The following NAALADL2 variants were observed in gnomAD, a reference collection of about 807,000 sequenced individuals.
NAALADL2 encodes inactive N-acetylated-alpha-linked acidic dipeptidase-like protein 2.
NAALADL2 carries 76 observed loss-of-function variants against 87.2 expected under a neutral mutation model. The observed-to-expected ratio is 0.87, with a 90% CI of 0.72 to 1.05. The LOEUF is 1.05. NAALADL2 is among the 50% of genes least tolerant of loss of function. The probability of loss-of-function intolerance (pLI) is 0.00; values close to 1 mark genes in which losing one functional copy is unlikely to be tolerated. For synonymous variants in NAALADL2, 354 were observed against 331.0 expected, an observed-to-expected ratio of 1.07 and a Z score of -0.75; for missense variants, 1,089 against 945.8, an observed-to-expected ratio of 1.15 and a Z score of -1.99.
intron 9 of NAALADL2, among the ~76,000 whole-genome samples, chr3:175,535,015 T>C (rs1450151406): frequency 6.6e-6 from 1 of 152,172 alleles, no homozygotes; most frequent in African/African-American, 2.4e-5. Context: ...TTTTGTACTA[T>C]TTGGCTTCAA....
chr3:175,327,248 C>T (rs910907042), intron 5 of NAALADL2, among the ~76,000 whole-genome samples: 18 of 150,942 alleles, frequency 1.2e-4, no homozygotes, highest in Middle Eastern at 3.4e-3. Context: ...CTCCGCCTCC[C>T]GGGTTCATGC....
chr3:174,590,135 G>A (rs1454468102), intron 2 of NAALADL2, among the ~76,000 whole-genome samples: 1 of 151,576 alleles, frequency 6.6e-6, no homozygotes, highest in Admixed American at 6.6e-5. Context: ...CTTTTTCGTG[G>A]TCCTTCTCAA....
intron 10 of NAALADL2, among the ~76,000 whole-genome samples, chr3:175,621,463 G>T (rs1049985738): frequency 6.6e-6 from 1 of 152,012 alleles, no homozygotes; most frequent in African/African-American, 2.4e-5. Context: ...AATTCTCTGG[G>T]TTTCTCCATC....
At chr3:175,534,408 C>T (rs1302373483) in intron 9 of NAALADL2, among the ~76,000 whole-genome samples, 1 of 152,178 alleles carries the variant, frequency 6.6e-6, no homozygotes, top group Admixed American at 6.5e-5. Flanking sequence ...TGTTCAAAGG[C>T]AGGAAGCATC....
At chr3:174,898,341 G>A (rs1731870435) in intron 1 of NAALADL2, among the ~76,000 whole-genome samples, 1 of 151,102 alleles carries the variant, frequency 6.6e-6, no homozygotes, top group Non-Finnish European at 1.5e-5. Flanking sequence ...GGGTAGAGGG[G>A]GGTTAGGAGG....
intron 2 of NAALADL2, among the ~76,000 whole-genome samples, chr3:175,102,113 C>T (rs1722316202): frequency 6.6e-6 from 1 of 152,168 alleles, no homozygotes; most frequent in East Asian, 1.9e-4. Context: ...TAAATCACTA[C>T]ATAAAATACT....
intron 5 of NAALADL2, among the ~76,000 whole-genome samples, chr3:175,344,789 T>C (rs1187564250): frequency 2.0e-5 from 3 of 152,160 alleles, no homozygotes; most frequent in Admixed American, 6.6e-5. Flanking sequence ...TATCATTTGA[T>C]GTCAATTCTG....
chr3:175,035,752 G>A (rs955969484), intron 1 of NAALADL2, among the ~76,000 whole-genome samples: 2 of 152,106 alleles, frequency 1.3e-5, no homozygotes, highest in Non-Finnish European at 2.9e-5. Flanking sequence ...TTAGGGCTTT[G>A]CTGTTAATTC....
chr3:174,961,041 A>T (rs1050971239), intron 1 of NAALADL2, among the ~76,000 whole-genome samples: 4 of 146,620 alleles, frequency 2.7e-5, no homozygotes, highest in East Asian at 3.9e-4. Context: ...TGTTTCTAAA[A>T]ATATATATAT....
At chr3:174,867,814 G>T (rs946603804) in intron 1 of NAALADL2, among the ~76,000 whole-genome samples, 9 of 152,006 alleles carry the variant, frequency 5.9e-5, no homozygotes, top group South Asian at 2.1e-4. Context: ...AATAATAGTT[G>T]GCATAGAGTC....
intron 13 of NAALADL2, among the ~76,000 whole-genome samples, chr3:175,782,896 A>C (rs1417463603): frequency 2.0e-5 from 3 of 147,354 alleles, no homozygotes; most frequent in Non-Finnish European, 4.4e-5. Context: ...GGTGTAAGGA[A>C]GGGATCCAGT....
intron 5 of NAALADL2, among the ~76,000 whole-genome samples, chr3:175,398,348 T>TG (rs1553883992): frequency 0.029 from 2,404 of 81,746 alleles, 60 homozygotes; most frequent in African/African-American, 0.066. Context: ...CTGCTACTTT[T>TG]TTTTTTTTTT....
At chr3:174,485,033 C>T (rs1717766199) in intron 1 of NAALADL2, among the ~76,000 whole-genome samples, 1 of 151,992 alleles carries the variant, frequency 6.6e-6, no homozygotes, top group Admixed American at 6.6e-5. Flanking sequence ...CACAGTTCTC[C>T]ATTATAATAT....
At chr3:175,395,256 GA>G (rs1769624952) in intron 5 of NAALADL2, among the ~76,000 whole-genome samples, 1 of 152,100 alleles carries the variant, frequency 6.6e-6, no homozygotes, top group Non-Finnish European at 1.5e-5. Context: ...ACACCACTCA[GA>G]AGAGTGTACA....
intron 2 of NAALADL2, among the ~76,000 whole-genome samples, chr3:174,567,607 G>A (rs953451773): frequency 1.3e-5 from 2 of 151,442 alleles, no homozygotes; most frequent in Admixed American, 1.3e-4. Context: ...GTATCAGAAG[G>A]CAATCTGTTA....
chr3:175,551,087 C>CATGTGT (rs141179906), intron 9 of NAALADL2, among the ~76,000 whole-genome samples: 12 of 149,412 alleles, frequency 8.0e-5, no homozygotes, highest in African/African-American at 2.9e-4. Context: ...TGTGTCTCTG[C>CATGTGT]GTGTGTGTGT....
intron 10 of NAALADL2, among the ~76,000 whole-genome samples, chr3:175,624,465 A>G (rs934813334): frequency 1.3e-5 from 2 of 152,084 alleles, no homozygotes; most frequent in African/African-American, 4.8e-5. Context: ...TCAATTATTT[A>G]CCTTCAAAAT....
At chr3:175,537,510 CA>C (rs1711510174) in intron 9 of NAALADL2, among the ~76,000 whole-genome samples, 1 of 152,158 alleles carries the variant, frequency 6.6e-6, no homozygotes, top group African/African-American at 2.4e-5. Context: ...TTCTCTTATA[CA>C]AATAGCAACA....
intron 2 of NAALADL2, among the ~76,000 whole-genome samples, chr3:175,123,877 T>C (rs1726518520): frequency 6.6e-6 from 1 of 152,068 alleles, no homozygotes; most frequent in Non-Finnish European, 1.5e-5. Flanking sequence ...ATATCATGTT[T>C]CTTAAGAACA....
Sources: allele counts gnomAD v4.1 joint callset (sites outside exome capture counted in the v4.1 genomes callset), GRCh38; gene constraint gnomAD v4.1.1; transcripts MANE v1.5; gene names NCBI Gene and HGNC (gene_info 2026-07-23, HGNC 2026-07-21).